Variants in CALN1 observed in about 807,000 individuals in gnomAD.
CALN1 encodes the protein calcium-binding protein 8.
In CALN1, 17 loss-of-function variants were observed where a neutral mutation model predicts 30.6. That is an observed-to-expected ratio of 0.56 (90% CI 0.38 to 0.83). CALN1 has a LOEUF of 0.83. Among genes scored for constraint, CALN1 ranks in the 40% least tolerant of loss-of-function variants. CALN1 has a pLI of 0.00. For synonymous variants in CALN1, 156 were observed against 131.4 expected, an observed-to-expected ratio of 1.19 and a Z score of -1.28; for missense variants, 291 against 354.9, an observed-to-expected ratio of 0.82 and a Z score of 1.45.
chr7:71,954,054 T>G (rs1796835577), intron 5 of CALN1, among the ~76,000 whole-genome samples: 1 of 152,202 alleles, frequency 6.6e-6, no homozygotes, highest in African/African-American at 2.4e-5. Context: ...CTGGGCACAG[T>G]GGCCCACGCC....
At chr7:71,911,527 T>C (rs1192350828) in intron 5 of CALN1, among the ~76,000 whole-genome samples, 3 of 152,158 alleles carry the variant, frequency 2.0e-5, no homozygotes, top group Non-Finnish European at 2.9e-5. Context: ...TCTAGAACAT[T>C]GTGATGTACT....
chr7:72,414,547 C>T (rs1459780627), upstream of CALN1, among the ~76,000 whole-genome samples: 4 of 152,188 alleles, frequency 2.6e-5, no homozygotes, highest in East Asian at 3.9e-4. Context: ...TTCCCAGAGA[C>T]GTTACAGAAC....
chr7:72,349,867 T>G (rs936300877), intron 2 of CALN1, among the ~76,000 whole-genome samples: 6 of 152,208 alleles, frequency 3.9e-5, no homozygotes, highest in Non-Finnish European at 7.3e-5. Context: ...TTACAAATAT[T>G]TTCTCCCAAT....
intron 4 of CALN1, among the ~76,000 whole-genome samples, chr7:72,063,475 G>T (rs1005385462): frequency 6.6e-6 from 1 of 152,158 alleles, no homozygotes; most frequent in African/African-American, 2.4e-5. Flanking sequence ...GTATCCACAG[G>T]GAGAAGCCAA....
intron 2 of CALN1, among the ~76,000 whole-genome samples, chr7:72,340,587 G>A (rs1802332732): frequency 6.6e-6 from 1 of 152,190 alleles, no homozygotes. Context: ...GCAAAACCTT[G>A]ATGCGGATAG....
intron 5 of CALN1, among the ~76,000 whole-genome samples, chr7:72,013,220 T>C (rs2129529407): frequency 6.6e-6 from 1 of 151,842 alleles, no homozygotes; most frequent in East Asian, 2.0e-4. Context: ...AAACAATTGT[T>C]GGATAATGTA....
chr7:71,964,607 C>T (rs991631430), intron 5 of CALN1, among the ~76,000 whole-genome samples: 2 of 151,924 alleles, frequency 1.3e-5, no homozygotes, highest in African/African-American at 2.4e-5. Flanking sequence ...CAGTGGCTCA[C>T]GCTGAGATCA....
At chr7:72,367,977 C>CA (rs1343466420) in intron 2 of CALN1, among the ~76,000 whole-genome samples, 1 of 151,912 alleles carries the variant, frequency 6.6e-6, no homozygotes, top group Non-Finnish European at 1.5e-5. Context: ...ACTAAAAACA[C>CA]AAAAAATTAT....
the CALN1 span, among the ~76,000 whole-genome samples, chr7:72,455,528 G>T: frequency 6.6e-6 from 1 of 151,894 alleles, no homozygotes; most frequent in Non-Finnish European, 1.5e-5. Context: ...TGGAGCTCAG[G>T]AGCTCGCAGG....
chr7:72,471,423 T>C, the CALN1 span, among the ~76,000 whole-genome samples: 194 of 152,284 alleles, frequency 1.3e-3, 1 homozygote, highest in African/African-American at 4.2e-3. Flanking sequence ...CCAGTGTCAA[T>C]GGGTCCTCAG....
chr7:72,411,032 G>A (rs981527649), intron 1 of CALN1, among the ~76,000 whole-genome samples: 4 of 152,080 alleles, frequency 2.6e-5, no homozygotes, highest in African/African-American at 9.7e-5. Flanking sequence ...CAAATAATAG[G>A]TGAATTTAGT....
chr7:72,223,079 C>A (rs541403848), intron 3 of CALN1, among the ~76,000 whole-genome samples: 1 of 152,264 alleles, frequency 6.6e-6, no homozygotes, highest in South Asian at 2.1e-4. Context: ...GAGCTACAGG[C>A]TCCTGTTAAA....
chr7:71,825,289 C>T (rs1388244213), intron 5 of CALN1, among the ~76,000 whole-genome samples: 1 of 152,062 alleles, frequency 6.6e-6, no homozygotes, highest in African/African-American at 2.4e-5. Flanking sequence ...TAGGAGGGAC[C>T]CAGTAGGAGA....
the CALN1 span, among the ~76,000 whole-genome samples, chr7:72,504,090 G>C: frequency 6.6e-6 from 1 of 152,186 alleles, no homozygotes; most frequent in African/African-American, 2.4e-5. Flanking sequence ...ACATGCCCCT[G>C]TCCCGAAGTT....
chr7:72,343,532 G>A (rs1355368125), intron 2 of CALN1, among the ~76,000 whole-genome samples: 1 of 141,140 alleles, frequency 7.1e-6, no homozygotes, highest in Non-Finnish European at 1.5e-5. Context: ...GGGTGACAGA[G>A]CGAGATTCTG....
intron 6 of CALN1, among the ~76,000 whole-genome samples, chr7:71,791,609 T>C (rs970788402): frequency 1.7e-4 from 26 of 152,180 alleles, no homozygotes; most frequent in African/African-American, 6.0e-4. Context: ...GGTTCTAGGC[T>C]TAGTGCCTGG....
chr7:71,950,498 C>T (rs997037717), intron 5 of CALN1, among the ~76,000 whole-genome samples: 1 of 152,140 alleles, frequency 6.6e-6, no homozygotes, highest in Non-Finnish European at 1.5e-5. Context: ...TCCATCACCA[C>T]GGTCCTCTTA....
intron 4 of CALN1, among the ~76,000 whole-genome samples, chr7:72,071,107 T>TA (rs1302184850): frequency 2.0e-5 from 3 of 152,198 alleles, no homozygotes; most frequent in Admixed American, 6.5e-5. Context: ...AAATTGCAGT[T>TA]AATTTCCATC....
chr7:72,376,381 T>C (rs1157722622), intron 2 of CALN1, among the ~76,000 whole-genome samples: 1 of 152,234 alleles, frequency 6.6e-6, no homozygotes, highest in East Asian at 1.9e-4. Context: ...CTCCGCATCC[T>C]TTCTGAAACT....
Sources: gnomAD v4.1 joint callset for allele counts (sites outside exome capture counted in the v4.1 genomes callset) on GRCh38, gnomAD v4.1.1 for gene constraint, MANE v1.5 for transcripts, NCBI Gene and HGNC (gene_info 2026-07-23, HGNC 2026-07-21) for gene names.